CHSY3: variants seen among roughly 807,000 people sequenced by gnomAD.
CHSY3 encodes the protein chondroitin sulfate synthase 3.
A neutral mutation model predicts 67.2 loss-of-function variants in CHSY3; 35 were observed. The ratio of observed to expected loss-of-function variants is 0.52; its 90% CI spans 0.40 to 0.69. The LOEUF (loss-of-function observed/expected upper bound fraction) is 0.69, where lower values mean the gene tolerates loss of function less well. Among genes scored for constraint, CHSY3 ranks in the 30% least tolerant of loss-of-function variants. The probability of loss-of-function intolerance (pLI) is 0.00; values close to 1 mark genes in which losing one functional copy is unlikely to be tolerated. For synonymous variants in CHSY3, 474 were observed against 434.7 expected (o/e 1.09, Z -1.12); for missense variants, 1,069 against 1,138.5 (o/e 0.94, Z 0.88).
intron 2 of CHSY3, among the ~76,000 whole-genome samples, chr5:129,941,675 A>T (rs1463814003): frequency 6.6e-6 from 1 of 152,168 alleles, no homozygotes; most frequent in African/African-American, 2.4e-5. Context: ...ATACTACCGC[A>T]ACAGTCAACA....
chr5:130,128,567 G>A (rs1768374308), intron 2 of CHSY3, among the ~76,000 whole-genome samples: 1 of 152,096 alleles, frequency 6.6e-6, no homozygotes, highest in African/African-American at 2.4e-5. Flanking sequence ...TATTATGCAA[G>A]ATAAGTGGAG....
intron 1 of CHSY3, among the ~76,000 whole-genome samples, chr5:129,906,401 C>G (rs1391446456): frequency 6.6e-6 from 1 of 152,190 alleles, no homozygotes; most frequent in Non-Finnish European, 1.5e-5. Flanking sequence ...AGCCAGACCC[C>G]TGGGAACAGC....
intron 2 of CHSY3, among the ~76,000 whole-genome samples, chr5:130,070,599 G>A (rs1766029915): frequency 6.6e-6 from 1 of 152,058 alleles, no homozygotes; most frequent in African/African-American, 2.4e-5. Context: ...ATGGTTAAAT[G>A]CGATTGGTTT....
intron 2 of CHSY3, among the ~76,000 whole-genome samples, chr5:130,020,488 T>C (rs1764358596): frequency 7.2e-6 from 1 of 139,374 alleles, no homozygotes; most frequent in African/African-American, 2.7e-5. Context: ...TTCCTCTGGC[T>C]CCTCCACATC....
Position 129,982,050 on chromosome 5 carries a change from T to C in CHSY3, c.1086+73690T>C, listed in dbSNP as rs992281492. 6.6e-5 allele frequency among the ~76,000 whole-genome samples: 10 copies of C among 152,268 alleles called. No individual in the cohort carries two copies. The South Asian group carries it at 1.0e-3, about 16-fold the overall frequency. On this transcript the variant is annotated intron_variant, in intron 2 of 2. Transcript: ENST00000305031. Reference sequence around the variant, plus strand: ...CTTGCATGCCTGAGACAGATATGAATTGGTTGTGGCATACAATTCTTTTTA... The same window carrying C: ...CTTGCATGCCTGAGACAGATATGAACTGGTTGTGGCATACAATTCTTTTTA...
In CHSY3 at chr5:129,983,818, C is replaced by T. The variant is rs534936977; in HGVS notation, c.1086+75458C>T. Among the ~76,000 whole-genome samples the T allele has an allele frequency of 1.5e-4, 23 of 152,108 alleles. No homozygotes were observed. The East Asian group carries it at 4.5e-3, about 29-fold the overall frequency. ...GGAAATGAATTCAGCCCAAAGAACC[C>T]ATTTTAAGGTAGAATGGTAATTATA... On this transcript the variant is annotated intron_variant, in intron 2 of 2. Transcript: ENST00000305031.
intron 2 of CHSY3, among the ~76,000 whole-genome samples, chr5:130,020,455 ATATATATTTTTTTT>A (rs1217715293): frequency 0.01 from 34 of 3,308 alleles, no homozygotes; most frequent in South Asian, 0.042. Context: ...ATATATATAT[ATATATATTTTTTTT>A]TTTTTTTTTT....
At chr5:130,133,827 G>A (rs1768571556) in intron 2 of CHSY3, among the ~76,000 whole-genome samples, 2 of 145,612 alleles carry the variant, frequency 1.4e-5, no homozygotes, top group Non-Finnish European at 3.0e-5. Context: ...CAACCTAAGA[G>A]AGAGAGCAGC....
chr5:130,028,155 GA>G (rs1311756978), intron 2 of CHSY3, among the ~76,000 whole-genome samples: 2 of 151,926 alleles, frequency 1.3e-5, no homozygotes, highest in African/African-American at 2.4e-5. Context: ...CACAGAATTG[GA>G]AAAAACTACT....
At chr5:130,090,124 C>T (rs530913039) in intron 2 of CHSY3, among the ~76,000 whole-genome samples, 7 of 152,134 alleles carry the variant, frequency 4.6e-5, no homozygotes, top group Non-Finnish European at 1.0e-4. Flanking sequence ...TTCAAAGTTT[C>T]TGTCTTCCCC....
intron 2 of CHSY3, among the ~76,000 whole-genome samples, chr5:130,045,362 T>C (rs1176887900): frequency 3.3e-5 from 5 of 152,088 alleles, no homozygotes; most frequent in Admixed American, 1.3e-4. Context: ...TTAAAAGACA[T>C]TGAGGGTAGA....
At chr5:130,033,788 T>G (rs994472295) in intron 2 of CHSY3, among the ~76,000 whole-genome samples, 1 of 152,126 alleles carries the variant, frequency 6.6e-6, no homozygotes, top group Non-Finnish European at 1.5e-5. Flanking sequence ...AAAAAACTTT[T>G]GGCTTAATAA....
At chr5:129,935,799 A>G (rs1463676171) in intron 2 of CHSY3, among the ~76,000 whole-genome samples, 3 of 152,208 alleles carry the variant, frequency 2.0e-5, no homozygotes, top group Non-Finnish European at 2.9e-5. Context: ...GTTGACTTGT[A>G]TGGCTCATAA....
intron 2 of CHSY3, among the ~76,000 whole-genome samples, chr5:130,067,394 C>A (rs13436062): frequency 0.47 from 71,967 of 151,946 alleles, 17,613 homozygotes; most frequent in African/African-American, 0.6. Flanking sequence ...GTTTGTACAC[C>A]ATGTGTGCAC....
chr5:130,063,693 G>A (rs937287016), intron 2 of CHSY3, among the ~76,000 whole-genome samples: 2 of 152,108 alleles, frequency 1.3e-5, no homozygotes, highest in African/African-American at 4.8e-5. Context: ...ATTTCTCACA[G>A]TTCTGGAGGT....
chr5:130,120,252 G>A (rs1456923435), intron 2 of CHSY3, among the ~76,000 whole-genome samples: 1 of 151,994 alleles, frequency 6.6e-6, no homozygotes, highest in Non-Finnish European at 1.5e-5. Context: ...TGCCTACATA[G>A]TTTTAGGGAC....
At chr5:130,023,707 T>TTGTG (rs1764456708) in intron 2 of CHSY3, among the ~76,000 whole-genome samples, 1 of 151,948 alleles carries the variant, frequency 6.6e-6, no homozygotes. Context: ...TAAAGACAGT[T>TTGTG]CTGAGTACAG....
At chr5:130,103,884 G>T (rs1179099178) in intron 2 of CHSY3, among the ~76,000 whole-genome samples, 2 of 151,840 alleles carry the variant, frequency 1.3e-5, no homozygotes, top group Admixed American at 6.6e-5. Context: ...TTGAACTAGT[G>T]ACCATACATT....
At chr5:129,942,077 G>C (rs1323981441) in intron 2 of CHSY3, among the ~76,000 whole-genome samples, 1 of 152,146 alleles carries the variant, frequency 6.6e-6, no homozygotes, top group African/African-American at 2.4e-5. Flanking sequence ...CCTTCCCCCA[G>C]GGTATAGGGC....
Sources: allele counts gnomAD v4.1 joint callset (sites outside exome capture counted in the v4.1 genomes callset), GRCh38; gene constraint gnomAD v4.1.1; transcripts MANE v1.5; gene names NCBI Gene and HGNC (gene_info 2026-07-23, HGNC 2026-07-21).